Variants in TTC3 observed in about 807,000 individuals in gnomAD.
TTC3 encodes the protein E3 ubiquitin-protein ligase TTC3.
In TTC3, 180 loss-of-function variants were observed where a neutral mutation model predicts 249.6. That is an observed-to-expected ratio of 0.72 (90% CI 0.64 to 0.82). The LOEUF is 0.82. Ranked by LOEUF, TTC3 falls within the 40% of genes least tolerant of loss-of-function variation. The pLI is 0.00. For synonymous variants in TTC3, 717 were observed against 805.0 expected (o/e 0.89, Z 1.85); for missense variants, 2,061 against 2,398.4 (o/e 0.86, Z 2.94).
chr21:37,141,043 A>G (rs895534089), intron 20 of TTC3, among the ~76,000 whole-genome samples: 2 of 152,266 alleles, frequency 1.3e-5, no homozygotes, highest in East Asian at 1.9e-4. Flanking sequence ...CTGTATGAAG[A>G]TGGTTTTAAA....
intron 10 of TTC3, chr21:37,100,813 C>T (rs778327160): frequency 5.9e-5 from 9 of 152,186 alleles, no homozygotes; most frequent in Admixed American, 5.9e-4. Flanking sequence ...TTATTCTGCT[C>T]CTTCTCAAAG....
intron 11 of TTC3, among the ~76,000 whole-genome samples, chr21:37,119,940 A>C (rs2076452277): frequency 6.6e-6 from 1 of 152,188 alleles, no homozygotes; most frequent in South Asian, 2.1e-4. Context: ...ACCCTCTCTC[A>C]GTGTGTGTAC....
At chr21:37,102,835 A>T (rs1186042974) in intron 10 of TTC3, among the ~76,000 whole-genome samples, 3 of 152,132 alleles carry the variant, frequency 2.0e-5, no homozygotes, top group Non-Finnish European at 4.4e-5. Flanking sequence ...TGTCTGTACT[A>T]AAAATACAAA....
intron 13 of TTC3, among the ~76,000 whole-genome samples, chr21:37,124,112 C>CT (rs60916518): frequency 0.024 from 1,436 of 61,100 alleles, 318 homozygotes; most frequent in Non-Finnish European, 0.027. Context: ...TTGAACTGTT[C>CT]TTTTTTTTTT....
At chr21:37,198,957 A>G (rs56853346) in intron 44 of TTC3, among the ~76,000 whole-genome samples, 6 of 151,866 alleles carry the variant, frequency 4.0e-5, no homozygotes, top group Non-Finnish European at 7.4e-5. Flanking sequence ...TATTTTTTTC[A>G]AACTAAACCT....
At chr21:37,144,262 AAAC>A (rs926121711) in intron 20 of TTC3, among the ~76,000 whole-genome samples, 2 of 152,002 alleles carry the variant, frequency 1.3e-5, no homozygotes, top group African/African-American at 4.8e-5. Flanking sequence ...ATATATATAT[AAAC>A]AACAAACAAC....
chr21:37,180,856 A>T (rs2082698166), intron 35 of TTC3, among the ~76,000 whole-genome samples: 2 of 151,836 alleles, frequency 1.3e-5, no homozygotes, highest in Non-Finnish European at 2.9e-5. Context: ...AAAAAAAAAA[A>T]TTAAATATTT....
At chr21:37,144,763 T>G in intron 21 of TTC3, 118 bp downstream of exon 21, 150 of 1,195,702 alleles carry the variant, frequency 1.3e-4, no homozygotes, top group East Asian at 2.1e-4. Flanking sequence ...TTACACGCAT[T>G]TCCCCTCTAC....
At chr21:37,124,977 A>G (rs1421911835) in intron 14 of TTC3, among the ~76,000 whole-genome samples, 2 of 152,226 alleles carry the variant, frequency 1.3e-5, no homozygotes. Context: ...TGTTTCCAAC[A>G]TATTTTTAAA....
intron 15 of TTC3, among the ~76,000 whole-genome samples, chr21:37,127,635 G>C (rs1456505596): frequency 6.6e-6 from 1 of 152,126 alleles, no homozygotes; most frequent in Non-Finnish European, 1.5e-5. Context: ...GTTCCTCCCA[G>C]GATTCTTCAG....
intron 8 of TTC3, 33 bp downstream of exon 8, chr21:37,094,123 T>C: frequency 7.3e-7 from 1 of 1,373,960 alleles, no homozygotes; most frequent in Non-Finnish European, 9.9e-7. Context: ...TATTTTAAGA[T>C]TTGCCCATTA....
At chr21:37,097,563 C>G (rs902093597) in intron 10 of TTC3, among the ~76,000 whole-genome samples, 24 of 152,274 alleles carry the variant, frequency 1.6e-4, no homozygotes, top group South Asian at 2.1e-4. Flanking sequence ...GAAAACTTGA[C>G]AAGTTACTTA....
intron 10 of TTC3, chr21:37,096,890 C>T (rs2073999947): frequency 3.0e-6 from 1 of 336,038 alleles, no homozygotes; most frequent in African/African-American, 2.1e-5. Context: ...ATTTGGTTCT[C>T]ACAGCACCCG....
At chr21:37,088,048 T>C in intron 3 of TTC3, 148 bp from the exon 4 acceptor site, 1 of 953,336 alleles carries the variant, frequency 1.0e-6, no homozygotes, top group Non-Finnish European at 1.5e-6. Context: ...TGCCAGCACT[T>C]AAATATTCTT....
chr21:37,150,081 T>C (rs781591106), exon 24 of TTC3: 2 of 1,603,222 alleles, frequency 1.2e-6, no homozygotes, highest in African/African-American at 2.7e-5. Context: ...CAAATAGGAT[T>C]TTCTACAAGG....
Position 37,138,728 on chromosome 21 carries a change from C to T in TTC3, c.1659+14C>T. 6.4e-7 allele frequency: 1 copy of T among 1,569,160 alleles called. No homozygotes were observed. Among genetic ancestry groups the T allele is most frequent in the South Asian group, 1.1e-5 (1 of 87,574 alleles). ...GGACAGCCTGAGGTAAGATTTGTAA[C>T]AGTGGTAATAAACAATTAAAATGAT... On this transcript the variant is annotated intron_variant, in intron 19 of 45. Coordinates refer to ENST00000355666, the Ensembl canonical transcript of TTC3.
chr21:37,130,794 T>TC (rs1407768043), intron 16 of TTC3, among the ~76,000 whole-genome samples: 3 of 106,180 alleles, frequency 2.8e-5, no homozygotes, highest in African/African-American at 1.3e-4. Context: ...TCTCTCTCTT[T>TC]TTCTTCTTCC....
exon 12 of TTC3, chr21:37,121,865 T>A: frequency 1.9e-6 from 3 of 1,611,802 alleles, no homozygotes; most frequent in Non-Finnish European, 1.7e-6. Context: ...GGAATATGAC[T>A]GGGCCCTGCA....
chr21:37,166,562 G>C, exon 33 of TTC3: 1 of 1,614,034 alleles, frequency 6.2e-7, no homozygotes, highest in Non-Finnish European at 8.5e-7. Context: ...AGTAATTCCA[G>C]AAAGCACCAG....
Sources: gnomAD v4.1 joint callset for allele counts (sites outside exome capture counted in the v4.1 genomes callset) on GRCh38, gnomAD v4.1.1 for gene constraint, MANE v1.5 for transcripts, NCBI Gene and HGNC (gene_info 2026-07-23, HGNC 2026-07-21) for gene names.